The following MACROD2 variants were observed in gnomAD, a reference collection of about 807,000 sequenced individuals.
The protein encoded by MACROD2 is ADP-ribose glycohydrolase MACROD2.
MACROD2 carries 36 observed loss-of-function variants against 70.4 expected under a neutral mutation model. That is an observed-to-expected ratio of 0.51 (90% CI 0.39 to 0.68). MACROD2 has a LOEUF of 0.68. Ranked by LOEUF, MACROD2 falls within the 30% of genes least tolerant of loss-of-function variation. The pLI, the probability that MACROD2 is intolerant of heterozygous loss-of-function variation, is 0.00. For synonymous variants in MACROD2, 172 were observed against 178.8 expected, an observed-to-expected ratio of 0.96 and a Z score of 0.30; for missense variants, 496 against 538.4, an observed-to-expected ratio of 0.92 and a Z score of 0.78.
chr20:14,641,302 C>G (rs1416888703), intron 4 of MACROD2, among the ~76,000 whole-genome samples: 1 of 152,196 alleles, frequency 6.6e-6, no homozygotes, highest in Non-Finnish European at 1.5e-5. Context: ...TTGCTGTTTC[C>G]ACCACATCTG....
At chr20:14,609,025 G>A (rs945336708) in intron 4 of MACROD2, among the ~76,000 whole-genome samples, 3 of 152,120 alleles carry the variant, frequency 2.0e-5, no homozygotes, top group Non-Finnish European at 2.9e-5. Flanking sequence ...TGAGGTTTGG[G>A]GGTTTGGTGG....
chr20:15,122,181 C>A (rs7267540), intron 5 of MACROD2, among the ~76,000 whole-genome samples: 15,829 of 152,130 alleles, frequency 0.1, 1,039 homozygotes, highest in Middle Eastern at 0.18. Flanking sequence ...ATGTAATAAG[C>A]TTCTTTGTGA....
At position 14,514,376 on chromosome 20, in the gene MACROD2, G is replaced by A. The variant is rs184544137; in HGVS notation, c.301+20868G>A. ...GATGTATGTTCTTTCTAGCCTGTTA[G>A]GAAGCAGATGTGACTTCTCCATGCT... On this transcript the variant is annotated intron_variant, in intron 4 of 17. Transcript: ENST00000684519. Among the ~76,000 whole-genome samples the A allele has an allele frequency of 1.1e-4, 17 of 152,206 alleles. No individual in the cohort carries two copies. In the East Asian group the frequency reaches 3.3e-3, roughly 29 times the overall value.
intron 7 of MACROD2, among the ~76,000 whole-genome samples, chr20:15,481,838 C>T (rs910138141): frequency 1.3e-5 from 2 of 152,178 alleles, no homozygotes; most frequent in African/African-American, 2.4e-5. Context: ...CTGGCTTCTG[C>T]CCTTATGGAA....
At chr20:15,383,856 C>G (rs369203130) in intron 6 of MACROD2, among the ~76,000 whole-genome samples, 32 of 152,090 alleles carry the variant, frequency 2.1e-4, no homozygotes, top group African/African-American at 7.7e-4. Context: ...AATCCATTCC[C>G]TTTAGTGTAT....
chr20:15,546,822 A>C (rs138210584), intron 8 of MACROD2, among the ~76,000 whole-genome samples: 3 of 152,180 alleles, frequency 2.0e-5, no homozygotes, highest in East Asian at 3.9e-4. Flanking sequence ...CATCTGATTC[A>C]TATATCACTC....
chr20:14,528,516 A>T (rs2123198832), intron 4 of MACROD2, among the ~76,000 whole-genome samples: 1 of 152,146 alleles, frequency 6.6e-6, no homozygotes, highest in East Asian at 1.9e-4. Context: ...CAGCTTTTAT[A>T]GCTTTTTTGC....
chr20:15,722,379 G>A (rs555421882), intron 8 of MACROD2, among the ~76,000 whole-genome samples: 1 of 152,150 alleles, frequency 6.6e-6, no homozygotes, highest in South Asian at 2.1e-4. Context: ...CCGACATTTT[G>A]CTATTATCAG....
intron 6 of MACROD2, among the ~76,000 whole-genome samples, chr20:15,273,373 T>C (rs546437427): frequency 6.6e-6 from 1 of 152,146 alleles, no homozygotes; most frequent in South Asian, 2.1e-4. Flanking sequence ...GACAGCCTAC[T>C]GTGGGACCTT....
At chr20:14,968,193 T>A (rs1240177284) in intron 5 of MACROD2, among the ~76,000 whole-genome samples, 2 of 152,146 alleles carry the variant, frequency 1.3e-5, no homozygotes, top group Non-Finnish European at 2.9e-5. Context: ...CACTTAAAAT[T>A]TCTCTTCAAA....
intron 5 of MACROD2, among the ~76,000 whole-genome samples, chr20:14,954,194 T>G (rs2074498887): frequency 6.6e-6 from 1 of 152,060 alleles, no homozygotes; most frequent in African/African-American, 2.4e-5. Context: ...GGACAGCTTA[T>G]AAACTATTCT....
At chr20:14,299,612 G>A (rs566819118) in intron 3 of MACROD2, among the ~76,000 whole-genome samples, 16 of 152,130 alleles carry the variant, frequency 1.1e-4, no homozygotes, top group Admixed American at 2.0e-4. Flanking sequence ...ACTTTTGGTG[G>A]TCTAGAACCG....
At chr20:15,490,520 C>A (rs2047218945) in intron 7 of MACROD2, among the ~76,000 whole-genome samples, 1 of 152,040 alleles carries the variant, frequency 6.6e-6, no homozygotes, top group South Asian at 2.1e-4. Context: ...CAAAACATCC[C>A]CAAATGCTAA....
chr20:14,993,327 A>G (rs910109290), intron 5 of MACROD2, among the ~76,000 whole-genome samples: 13 of 151,456 alleles, frequency 8.6e-5, no homozygotes, highest in African/African-American at 3.2e-4. Flanking sequence ...TCATATTTAG[A>G]TCAACTGCCC....
At chr20:15,427,378 C>A (rs527249187) in intron 6 of MACROD2, among the ~76,000 whole-genome samples, 1 of 152,158 alleles carries the variant, frequency 6.6e-6, no homozygotes, top group Non-Finnish European at 1.5e-5. Context: ...ATTAACTGTG[C>A]AGTATGTTTT....
chr20:15,096,998 G>T (rs573858141), intron 5 of MACROD2, among the ~76,000 whole-genome samples: 1 of 151,044 alleles, frequency 6.6e-6, no homozygotes, highest in South Asian at 2.1e-4. Flanking sequence ...TTTTAGTAAA[G>T]ACAGGGTTTC....
intron 3 of MACROD2, among the ~76,000 whole-genome samples, chr20:14,401,002 C>A (rs963045924): frequency 1.3e-5 from 2 of 152,150 alleles, no homozygotes; most frequent in Admixed American, 6.5e-5. Context: ...GTATCCACAT[C>A]GGTCTATACA....
At chr20:14,225,981 G>C (rs2081729477) in intron 3 of MACROD2, among the ~76,000 whole-genome samples, 1 of 152,148 alleles carries the variant, frequency 6.6e-6, no homozygotes. Flanking sequence ...TTTTCTTTGT[G>C]TTCCTAGTAT....
chr20:15,440,714 T>G (rs1404155147), intron 7 of MACROD2, among the ~76,000 whole-genome samples: 1 of 151,924 alleles, frequency 6.6e-6, no homozygotes, highest in African/African-American at 2.4e-5. Context: ...GAAGGAAGAG[T>G]TCTCTTATGT....
Sources: gnomAD v4.1 joint callset for allele counts (sites outside exome capture counted in the v4.1 genomes callset) on GRCh38, gnomAD v4.1.1 for gene constraint, MANE v1.5 for transcripts, NCBI Gene and HGNC (gene_info 2026-07-23, HGNC 2026-07-21) for gene names.